The following GRM8 variants were observed in gnomAD, a reference collection of about 807,000 sequenced individuals.
GRM8 encodes metabotropic glutamate receptor 8.
Under a neutral mutation model 87.2 loss-of-function variants are expected in GRM8, and 47 were observed. That is an observed-to-expected ratio of 0.54 (90% CI 0.43 to 0.69). The LOEUF is 0.69. GRM8 is among the 30% of genes least tolerant of loss of function. The pLI, the probability that GRM8 is intolerant of heterozygous loss-of-function variation, is 0.00. For synonymous variants in GRM8, 396 were observed against 404.5 expected, an observed-to-expected ratio of 0.98 and a Z score of 0.25; for missense variants, 1,019 against 1,139.2, an observed-to-expected ratio of 0.89 and a Z score of 1.52.
intron 2 of GRM8, among the ~76,000 whole-genome samples, chr7:127,134,296 AT>A (rs1827842090): frequency 6.6e-6 from 1 of 152,198 alleles, no homozygotes; most frequent in Non-Finnish European, 1.5e-5. Context: ...AATGGCAAAA[AT>A]TACTAAAGAA....
At chr7:126,951,719 TC>T (rs373402718) in intron 3 of GRM8, among the ~76,000 whole-genome samples, 93 of 151,980 alleles carry the variant, frequency 6.1e-4, no homozygotes, top group African/African-American at 1.8e-3. Flanking sequence ...AGTAAACATA[TC>T]ATGGAAAATA....
At chr7:126,517,315 G>A (rs1303117918) in intron 9 of GRM8, among the ~76,000 whole-genome samples, 5 of 152,004 alleles carry the variant, frequency 3.3e-5, no homozygotes, top group Non-Finnish European at 5.9e-5. Context: ...ATGAAGACTC[G>A]TCATCTCACT....
chr7:126,850,245 C>A (rs1337745947), intron 6 of GRM8, among the ~76,000 whole-genome samples: 6 of 152,192 alleles, frequency 3.9e-5, no homozygotes, highest in Non-Finnish European at 7.3e-5. Flanking sequence ...ACTTGGCTTC[C>A]AGAACAGCAT....
chr7:126,879,031 C>T (rs1161190863), intron 6 of GRM8, among the ~76,000 whole-genome samples: 32 of 151,822 alleles, frequency 2.1e-4, no homozygotes, highest in Middle Eastern at 3.4e-3. Flanking sequence ...GGCACAGTGG[C>T]GGGCCCCTGT....
intron 6 of GRM8, among the ~76,000 whole-genome samples, chr7:126,900,501 G>GTTTGT (rs975836875): frequency 9.2e-5 from 14 of 151,528 alleles, no homozygotes; most frequent in East Asian, 3.9e-4. Flanking sequence ...TTTTTTGTTT[G>GTTTGT]TTTGTTTTGT....
chr7:126,518,073 G>C (rs969467083), intron 9 of GRM8, among the ~76,000 whole-genome samples: 7 of 152,014 alleles, frequency 4.6e-5, no homozygotes, highest in African/African-American at 1.7e-4. Flanking sequence ...GTCATGACAG[G>C]ACTGCTTAGT....
At chr7:126,942,854 G>T (rs1327734433) in intron 3 of GRM8, among the ~76,000 whole-genome samples, 3 of 152,124 alleles carry the variant, frequency 2.0e-5, no homozygotes, top group Admixed American at 1.3e-4. Context: ...TAAACAGAGA[G>T]TACTCTCACT....
At chr7:126,997,520 A>G (rs1554560311) in intron 3 of GRM8, among the ~76,000 whole-genome samples, 1 of 151,060 alleles carries the variant, frequency 6.6e-6, no homozygotes, top group Non-Finnish European at 1.5e-5. Context: ...AGATAAGCAA[A>G]ATTGGCAAAC....
At chr7:127,082,649 A>T (rs1236277447) in intron 3 of GRM8, among the ~76,000 whole-genome samples, 1 of 152,232 alleles carries the variant, frequency 6.6e-6, no homozygotes, top group Non-Finnish European at 1.5e-5. Flanking sequence ...GGAAAGTAAC[A>T]ATCTTAGCTG....
chr7:126,727,739 A>ACACACC (rs1410017859), intron 7 of GRM8, among the ~76,000 whole-genome samples: 85 of 145,608 alleles, frequency 5.8e-4, no homozygotes, highest in African/African-American at 2.1e-3. Context: ...ACACACACAC[A>ACACACC]CCCCTAAAAA....
At chr7:127,216,276 T>G (rs1587297329) in intron 2 of GRM8, among the ~76,000 whole-genome samples, 1 of 152,068 alleles carries the variant, frequency 6.6e-6, no homozygotes. Flanking sequence ...CTCAGCACTT[T>G]GGGAGGCCGA....
chr7:126,783,661 C>T (rs982369883), intron 6 of GRM8, among the ~76,000 whole-genome samples: 1 of 152,076 alleles, frequency 6.6e-6, no homozygotes, highest in Admixed American at 6.6e-5. Flanking sequence ...TTGAACACTG[C>T]AAATGTTCAA....
chr7:126,792,198 C>G (rs993815903), intron 6 of GRM8, among the ~76,000 whole-genome samples: 7 of 152,212 alleles, frequency 4.6e-5, no homozygotes, highest in Admixed American at 1.3e-4. Context: ...CTCTCCATAT[C>G]TGGTCACTCT....
intron 8 of GRM8, among the ~76,000 whole-genome samples, chr7:126,606,372 G>A (rs896300741): frequency 2.0e-5 from 3 of 152,088 alleles, no homozygotes; most frequent in African/African-American, 7.2e-5. Context: ...CCAAACACTG[G>A]GCAAAGGGCT....
At chr7:126,761,660 T>G (rs904552570) in intron 7 of GRM8, among the ~76,000 whole-genome samples, 6 of 152,162 alleles carry the variant, frequency 3.9e-5, no homozygotes, top group Admixed American at 1.3e-4. Flanking sequence ...AAAGCCAAAC[T>G]CGGCACAGGT....
intron 6 of GRM8, among the ~76,000 whole-genome samples, chr7:126,784,568 C>A (rs1820431921): frequency 6.6e-6 from 1 of 152,140 alleles, no homozygotes; most frequent in Non-Finnish European, 1.5e-5. Flanking sequence ...AACATTTAAA[C>A]ATAATGGCAC....
intron 8 of GRM8, among the ~76,000 whole-genome samples, chr7:126,587,573 A>G (rs1483057006): frequency 6.6e-6 from 1 of 151,974 alleles, no homozygotes; most frequent in Admixed American, 6.6e-5. Flanking sequence ...AAACTATCGC[A>G]GGGACAAAAA....
chr7:127,102,075 A>G (rs1052019814), intron 3 of GRM8, among the ~76,000 whole-genome samples: 4 of 152,202 alleles, frequency 2.6e-5, no homozygotes, highest in African/African-American at 9.7e-5. Context: ...ACTCTGTGGA[A>G]GTTTGAACTT....
At chr7:126,867,352 G>A (rs189183178) in intron 6 of GRM8, among the ~76,000 whole-genome samples, 111 of 152,262 alleles carry the variant, frequency 7.3e-4, no homozygotes, top group Non-Finnish European at 1.3e-3. Flanking sequence ...AACATTCGCT[G>A]TTGTGATTTA....
Sources: allele counts gnomAD v4.1 joint callset (sites outside exome capture counted in the v4.1 genomes callset), GRCh38; gene constraint gnomAD v4.1.1; transcripts MANE v1.5; gene names NCBI Gene and HGNC (gene_info 2026-07-23, HGNC 2026-07-21).